Variants in GSAP observed in about 807,000 individuals in gnomAD.
The protein encoded by GSAP is gamma-secretase-activating protein.
Under a neutral mutation model 131.7 loss-of-function variants are expected in GSAP, and 118 were observed. The ratio of observed to expected loss-of-function variants is 0.90; its 90% confidence interval spans 0.77 to 1.04. The LOEUF (loss-of-function observed/expected upper bound fraction) is 1.04. GSAP is among the 50% of genes least tolerant of loss of function. The pLI is 0.00. For synonymous variants in GSAP, 381 were observed against 363.4 expected (o/e 1.05, Z -0.55); for missense variants, 1,019 against 1,013.2 (o/e 1.01, Z -0.08).
chr7:77,349,499 T>C, intron 18 of GSAP, 95 bp from the exon 19 acceptor site: 1 of 996,154 alleles, frequency 1.0e-6, no homozygotes, highest in African/African-American at 1.6e-5. Flanking sequence ...AGACAGAAGC[T>C]GAGGGCAGCT....
chr7:77,397,355 T>A lies in GSAP; in HGVS notation c.304A>T (p.Thr102Ser). The A allele has an allele frequency of 3.1e-6, 5 of 1,600,160 alleles. No homozygotes were observed. Among genetic ancestry groups the A allele is most frequent in the Non-Finnish European group, 4.3e-6 (5 of 1,169,088 alleles). Residue 102 changes from threonine (T) to serine (S), a missense_variant, in exon 4 of 31, where the codon ACT becomes TCT. Transcript: ENST00000257626. ...VFSCSVNSER[T>S]LLAASLVQST... ...TAAGAGCTCAACTTACCAAGCAAAG[T>A]CCTTTCACTGTTGACAGAGCAACTG... is the stretch of plus-strand genomic sequence containing the variant.
chr7:77,339,638 G>A (rs1161092546), intron 19 of GSAP, among the ~76,000 whole-genome samples: 3 of 151,116 alleles, frequency 2.0e-5, no homozygotes, highest in Non-Finnish European at 4.4e-5. Flanking sequence ...ATGGGTAGAG[G>A]AGAAAAACGT....
chr7:77,311,813 A>T lies in GSAP; in HGVS notation c.2473+28T>A, dbSNP rs778176020. The T allele has an allele frequency of 4.8e-6, 5 of 1,048,320 alleles. No individual in the cohort carries two copies. In the South Asian group the frequency reaches 6.3e-5, roughly 13 times the overall value. The allele number at this position is 1,048,320 out of a possible 1,614,324, so 64.9% of individuals were successfully genotyped here. Reference sequence around the variant, plus strand: ...CTGATGTGTCAAGGGAAAAGTGGTAAGACCCTGAGAACAGGGGAGTAAATT... The same window carrying T: ...CTGATGTGTCAAGGGAAAAGTGGTATGACCCTGAGAACAGGGGAGTAAATT... On this transcript the variant is annotated intron_variant, in intron 30 of 30. Coordinates refer to ENST00000257626, the MANE Select transcript of GSAP (RefSeq NM_017439.4).
intron 1 of GSAP, among the ~76,000 whole-genome samples, chr7:77,412,862 CAG>C (rs1420343321): frequency 6.6e-6 from 1 of 151,724 alleles, no homozygotes. Context: ...CACCACAAAT[CAG>C]AGTGTTAATA....
chr7:77,328,771 C>A, intron 21 of GSAP, 134 bp from the exon 22 acceptor site: 1 of 626,498 alleles, frequency 1.6e-6, no homozygotes, highest in South Asian at 2.1e-5. Context: ...TGCTGAAAAC[C>A]TCAAAAACTT....
At chr7:77,390,440 C>A (rs1320615981) in intron 5 of GSAP, among the ~76,000 whole-genome samples, 2 of 152,108 alleles carry the variant, frequency 1.3e-5, no homozygotes, top group Admixed American at 1.3e-4. Flanking sequence ...AGTCTTTAAT[C>A]CATCTTGAAT....
chr7:77,348,563 G>A (rs945809604), intron 19 of GSAP, among the ~76,000 whole-genome samples: 16 of 152,184 alleles, frequency 1.1e-4, no homozygotes, highest in African/African-American at 3.9e-4. Context: ...TCAGCACCCT[G>A]AGCTCCCTGC....
intron 19 of GSAP, among the ~76,000 whole-genome samples, chr7:77,342,031 C>T (rs538003347): frequency 1.3e-4 from 20 of 152,304 alleles, no homozygotes; most frequent in African/African-American, 3.6e-4. Flanking sequence ...CCTCCTAAGC[C>T]GTGTCCCATC....
chr7:77,375,005 C>T (rs1200389103), intron 11 of GSAP, 53 bp downstream of exon 11: 1 of 822,600 alleles, frequency 1.2e-6, no homozygotes, highest in Non-Finnish European at 2.0e-6. Flanking sequence ...TAAATATAAT[C>T]ATTTTGCCCA....
At position 77,328,578 on chromosome 7, in the gene GSAP, G is replaced by T. The variant is rs753408395; in HGVS notation, c.1765+28C>A. ...CAAACAAAACACTGACTGGAACCCA[G>T]AAGGCTTTATTACAGATCTTTTCTT... On this transcript the variant is annotated intron_variant, in intron 22 of 30. Transcript: ENST00000257626. 3.1e-6 allele frequency: 5 copies of T among 1,602,878 alleles called. No individual in the cohort carries two copies. The Admixed American group carries it at 8.8e-5, about 28-fold the overall frequency.
At position 77,328,617 on chromosome 7, in the gene GSAP, G is replaced by T; in HGVS notation, c.1754C>A (p.Ala585Glu). The change falls in exon 22 of 31, where the codon GCA becomes GAA. Residue 585 changes from alanine to glutamate, a missense_variant. By Grantham distance (107) the Ala-to-Glu change is moderately radical. Transcript: ENST00000257626. ...NAVKVISNLE[A>E]RNLGPRLTPL... ...AGATCTTTTCTTACCCAAATTTCTT[G>T]CTTCTAGGTTAGAAATCACCCTACG... The T allele has an allele frequency of 6.2e-7, 1 of 1,608,480 alleles. No homozygotes were observed. Among genetic ancestry groups the T allele is most frequent in the South Asian group, 1.1e-5 (1 of 90,518 alleles).
intron 19 of GSAP, among the ~76,000 whole-genome samples, chr7:77,335,021 T>C (rs1297035417): frequency 6.6e-6 from 1 of 151,802 alleles, no homozygotes; most frequent in Non-Finnish European, 1.5e-5. Context: ...AGGCAGAGCT[T>C]GCAGTGAGCT....
Position 77,314,351 on chromosome 7 carries a change from C to G in GSAP, c.2209+19G>C. On this transcript the variant is annotated intron_variant, in intron 27 of 30. Coordinates refer to ENST00000257626, the MANE Select transcript of GSAP (RefSeq NM_017439.4). ...GCTCAGGCTGGAACTAGCACTCTGG[C>G]AAACTCAGGGCTTCTTACCTTTCAT... 3.1e-6 allele frequency: 5 copies of G among 1,612,690 alleles called. No individual in the cohort carries two copies. The highest frequency in any genetic ancestry group is 4.2e-6 in the Non-Finnish European group (5 of 1,179,402).
rs540176603 is a variant in GSAP, at chr7:77,397,866, T to C, written c.244-451A>G. Among the ~76,000 whole-genome samples, 4 of 152,308 alleles carry C rather than the reference T, an allele frequency of 2.6e-5. No homozygotes were observed. The South Asian group carries it at 8.3e-4, about 32-fold the overall frequency. ...CAATAAGCACTCAAATGTTAGCTAT[T>C]GTAATTACTGAGGTAATTAATTACC... On this transcript the variant is annotated intron_variant, in intron 3 of 30. Transcript: ENST00000257626.
rs367677081 is a variant in GSAP, at chr7:77,328,650, T to C, written c.1734-13A>G. 50 of 1,498,612 alleles carry C rather than the reference T, an allele frequency of 3.3e-5. No homozygotes were observed. Among genetic ancestry groups the C allele is most frequent in the Non-Finnish European group, 4.2e-5 (45 of 1,076,958 alleles). 92.8% of individuals were successfully genotyped at this position (1,498,612 alleles called of 1,614,324 possible). A position where few individuals can be genotyped will look rare whatever the true frequency, so the allele number is the denominator to read the frequency against. On this transcript the variant is annotated splice_polypyrimidine_tract_variant and intron_variant, in intron 21 of 30. Transcript: ENST00000257626. ...GTTAGAAATCACCCTACGAAGAAAT[T>C]AGCCATGTTATTCACAGACAGCATT... is the stretch of plus-strand genomic sequence containing the variant.
At chr7:77,406,169 AT>A in intron 1 of GSAP, 64 bp from the exon 2 acceptor site, 1 of 966,292 alleles carries the variant, frequency 1.0e-6, no homozygotes, top group Non-Finnish European at 1.3e-6. Flanking sequence ...TAACCAATAT[AT>A]TAGTGAAGGA....
chr7:77,352,154 G>A, intron 18 of GSAP, among the ~76,000 whole-genome samples: 1 of 152,170 alleles, frequency 6.6e-6, no homozygotes, highest in East Asian at 1.9e-4. Context: ...ACTATATTTA[G>A]ACAGGGTCTA....
chr7:77,360,668 A>G (rs1794403066), intron 14 of GSAP, among the ~76,000 whole-genome samples, 156 bp downstream of exon 14: 1 of 152,206 alleles, frequency 6.6e-6, no homozygotes, highest in South Asian at 2.1e-4. Context: ...TGTTCCAGAG[A>G]AAATCTTCTC....
chr7:77,338,242 G>A (rs375425765), intron 19 of GSAP, among the ~76,000 whole-genome samples: 10 of 152,046 alleles, frequency 6.6e-5, no homozygotes, highest in South Asian at 2.1e-4. Context: ...GAAAGTTGCC[G>A]TTTCCCTAGA....
Sources: gnomAD v4.1 joint callset for allele counts (sites outside exome capture counted in the v4.1 genomes callset) on GRCh38, gnomAD v4.1.1 for gene constraint, MANE v1.5 for transcripts, NCBI Gene and HGNC (gene_info 2026-07-23, HGNC 2026-07-21) for gene names.